Variants in ERC2 observed in about 807,000 individuals in gnomAD.
ERC2 encodes the protein ELKS/RAB6-interacting/CAST family member 2.
In ERC2, 42 loss-of-function variants were observed where a neutral mutation model predicts 114.8. The observed-to-expected ratio is 0.37, with a 90% confidence interval of 0.29 to 0.47. ERC2 has a LOEUF of 0.47. Ranked by LOEUF, ERC2 falls within the 20% of genes least tolerant of loss-of-function variation. The probability of loss-of-function intolerance (pLI) is 0.99; values close to 1 mark genes in which losing one functional copy is unlikely to be tolerated. For missense variants in ERC2, 939 were observed against 1,150.7 expected, an observed-to-expected ratio of 0.82 and a Z score of 2.66; for synonymous variants, 454 against 425.5, an observed-to-expected ratio of 1.07 and a Z score of -0.82.
At chr3:55,751,867 G>A (rs2066726246) in intron 14 of ERC2, among the ~76,000 whole-genome samples, 1 of 152,180 alleles carries the variant, frequency 6.6e-6, no homozygotes, top group Non-Finnish European at 1.5e-5. Context: ...CTTTGGTTGG[G>A]TTTATTTGGA....
intron 8 of ERC2, among the ~76,000 whole-genome samples, chr3:56,010,831 T>A (rs2149571929): frequency 6.6e-6 from 1 of 152,366 alleles, no homozygotes; most frequent in East Asian, 1.9e-4. Flanking sequence ...AGGAACGTAA[T>A]GTTCAAGTTC....
intron 17 of ERC2, among the ~76,000 whole-genome samples, chr3:55,665,324 T>G (rs549353389): frequency 6.6e-6 from 1 of 152,302 alleles, no homozygotes; most frequent in South Asian, 2.1e-4. Context: ...TTTAAATGAT[T>G]CATAGAATCT....
chr3:55,827,305 GAAA>G (rs1164794836), intron 14 of ERC2, among the ~76,000 whole-genome samples: 2 of 150,312 alleles, frequency 1.3e-5, no homozygotes, highest in African/African-American at 4.9e-5. Context: ...GGAAGAGAAA[GAAA>G]GAAAGAAAGA....
chr3:55,660,081 C>A (rs1311582584), intron 17 of ERC2, among the ~76,000 whole-genome samples: 1 of 151,210 alleles, frequency 6.6e-6, no homozygotes, highest in Non-Finnish European at 1.5e-5. Context: ...GCTTCTCATG[C>A]AAACCCCATC....
chr3:56,352,555 C>T (rs549567088), intron 2 of ERC2, among the ~76,000 whole-genome samples: 123 of 152,276 alleles, frequency 8.1e-4, no homozygotes, highest in African/African-American at 2.9e-3. Flanking sequence ...CTCTGTGTTG[C>T]ACCCACTGTA....
intron 3 of ERC2, among the ~76,000 whole-genome samples, chr3:56,276,110 T>C (rs1229572286): frequency 1.3e-5 from 2 of 152,194 alleles, no homozygotes; most frequent in African/African-American, 4.8e-5. Flanking sequence ...ATGTAACTGA[T>C]AGCTGGAGCA....
At chr3:56,267,395 T>C (rs540956290) in intron 3 of ERC2, among the ~76,000 whole-genome samples, 9 of 152,252 alleles carry the variant, frequency 5.9e-5, no homozygotes, top group African/African-American at 1.9e-4. Flanking sequence ...CTCACTTACA[T>C]GTGGAATGTT....
At chr3:55,885,756 C>T (rs536842108) in intron 14 of ERC2, among the ~76,000 whole-genome samples, 127 of 152,270 alleles carry the variant, frequency 8.3e-4, no homozygotes, top group Non-Finnish European at 1.5e-3. Flanking sequence ...GCTGATAGTG[C>T]CATTTGCATA....
At chr3:56,287,482 G>A (rs1055033002) in intron 3 of ERC2, among the ~76,000 whole-genome samples, 3 of 152,168 alleles carry the variant, frequency 2.0e-5, no homozygotes, top group Non-Finnish European at 2.9e-5. Flanking sequence ...TAGCCCTGAC[G>A]TTGCCTTCTA....
At chr3:55,555,177 C>T (rs1390969089) in intron 17 of ERC2, among the ~76,000 whole-genome samples, 1 of 152,198 alleles carries the variant, frequency 6.6e-6, no homozygotes, top group Non-Finnish European at 1.5e-5. Context: ...TCTAATTAAA[C>T]ACCAAAACCC....
At chr3:56,009,394 C>T (rs961433084) in intron 9 of ERC2, among the ~76,000 whole-genome samples, 2 of 152,162 alleles carry the variant, frequency 1.3e-5, no homozygotes, top group African/African-American at 2.4e-5. Context: ...TTAGGAAATA[C>T]GGATTTTCTT....
chr3:55,846,999 T>C (rs1374606309), intron 14 of ERC2, among the ~76,000 whole-genome samples: 4 of 152,088 alleles, frequency 2.6e-5, no homozygotes, highest in Admixed American at 2.6e-4. Flanking sequence ...CCAGAAACCA[T>C]GAAGAAATGA....
chr3:55,527,164 G>A (rs549097284), intron 17 of ERC2, among the ~76,000 whole-genome samples: 13 of 152,334 alleles, frequency 8.5e-5, no homozygotes, highest in South Asian at 2.1e-4. Context: ...GAGTCCAATC[G>A]TGGCTTAGCC....
chr3:56,452,522 A>T (rs1292334790), intron 1 of ERC2, among the ~76,000 whole-genome samples: 1 of 152,254 alleles, frequency 6.6e-6, no homozygotes, highest in Admixed American at 6.5e-5. Flanking sequence ...AGGTTTTAAA[A>T]AGGTGTAAGA....
chr3:56,465,979 G>A (rs1039117940), intron 1 of ERC2, among the ~76,000 whole-genome samples: 1 of 152,230 alleles, frequency 6.6e-6, no homozygotes, highest in Admixed American at 6.5e-5. Context: ...CATGGGCTCT[G>A]GGTAAGACGA....
intron 5 of ERC2, among the ~76,000 whole-genome samples, chr3:56,140,775 C>T (rs1304285481): frequency 3.9e-5 from 6 of 152,122 alleles, no homozygotes; most frequent in African/African-American, 1.4e-4. Context: ...CCTATAATCC[C>T]AGCACTTTGG....
intron 13 of ERC2, among the ~76,000 whole-genome samples, chr3:55,935,007 G>C (rs1230928586): frequency 6.6e-6 from 1 of 152,170 alleles, no homozygotes; most frequent in African/African-American, 2.4e-5. Flanking sequence ...GACCTTGGAG[G>C]CTGTGACCTA....
In ERC2 at chr3:56,091,474, C is replaced by G. The variant is rs149135082; in HGVS notation, c.1474-10490G>C. Among the ~76,000 whole-genome samples, 263 of 152,202 alleles carry G rather than the reference C, an allele frequency of 1.7e-3. 1 individual carries two copies. The highest frequency in any genetic ancestry group is 6.1e-3 in the African/African-American group (253 of 41,532). On this transcript the variant is annotated intron_variant, in intron 6 of 17. Transcript: ENST00000288221. The stretch of plus-strand genomic sequence containing the variant: ...AGATGGCTAGGAAACATATGAAAAG[C>G]AAATGGCTATATGATTTGGAAGCTC...
intron 17 of ERC2, among the ~76,000 whole-genome samples, chr3:55,597,419 C>CAAAAAAA (rs34105072): frequency 7.8e-6 from 1 of 128,468 alleles, no homozygotes; most frequent in Non-Finnish European, 1.6e-5. Context: ...GACTCCAACT[C>CAAAAAAA]AAAAAAAAAA....
Sources: allele counts gnomAD v4.1 joint callset (sites outside exome capture counted in the v4.1 genomes callset), GRCh38; gene constraint gnomAD v4.1.1; transcripts MANE v1.5; gene names NCBI Gene and HGNC (gene_info 2026-07-23, HGNC 2026-07-21).